CASTOR2: variants seen among roughly 807,000 people sequenced by gnomAD.
CASTOR2 encodes cytosolic arginine sensor for mTORC1 subunit 2.
A neutral mutation model predicts 31.2 loss-of-function variants in CASTOR2; 8 were observed. The observed-to-expected ratio is 0.26, with a 90% CI of 0.15 to 0.46. CASTOR2 has a LOEUF of 0.46. Among genes scored for constraint, CASTOR2 ranks in the 20% least tolerant of loss-of-function variants. The pLI is 0.99. For missense variants in CASTOR2, 216 were observed against 382.1 expected (o/e 0.57, Z 3.62); for synonymous variants, 162 against 158.7 (o/e 1.02, Z -0.16).
In CASTOR2 at chr7:75,025,148, G is replaced by C. The variant is rs1805092536; in HGVS notation, c.*449G>C. Among the ~76,000 whole-genome samples the C allele has an allele frequency of 1.3e-5, 2 of 152,210 alleles. No individual in the cohort carries two copies. Among genetic ancestry groups the C allele is most frequent in the Non-Finnish European group, 2.9e-5 (2 of 68,032 alleles). On this transcript the variant is annotated 3_prime_UTR_variant, in exon 9 of 9. Transcript: ENST00000616305. ...TTTGGGGTGCCCTGGAGGGTTTGGG[G>C]GTGAGTACTGTGGTCACTGGTCTCT... is the stretch of plus-strand genomic sequence containing the variant.
chr7:74,995,820 A>AG lies in CASTOR2; in HGVS notation c.114-12174_114-12173insG, dbSNP rs1215247061. Among the ~76,000 whole-genome samples the AG allele has an allele frequency of 4.0e-5, 6 of 151,708 alleles. No homozygotes were observed. The East Asian group carries it at 1.2e-3, about 29-fold the overall frequency. ...GAGACTCCATCTCAGAAAAAAAAAA[A>AG]AAAAATTAGCCAGGCATGGTGGTGT... On this transcript the variant is annotated intron_variant, in intron 1 of 8. Coordinates refer to ENST00000616305, the MANE Select transcript of CASTOR2 (RefSeq NM_001145064.3).
chr7:75,011,519 G>A (rs1804744734), intron 2 of CASTOR2, among the ~76,000 whole-genome samples: 1 of 151,648 alleles, frequency 6.6e-6, no homozygotes. Flanking sequence ...TGGATCACGA[G>A]GTCAGGAGAT....
In CASTOR2 at chr7:75,026,352, G is replaced by A. The variant is rs1010402545; in HGVS notation, c.*1653G>A. ...TTACAGGCACGCACCACCACGTCTG[G>A]CTAGTTATTGTATTTTTTAATAGAG... On this transcript the variant is annotated 3_prime_UTR_variant, in exon 9 of 9. Transcript: ENST00000616305. Among the ~76,000 whole-genome samples, 2 of 151,952 alleles carry A rather than the reference G, an allele frequency of 1.3e-5. No homozygotes were observed. Among genetic ancestry groups the A allele is most frequent in the Admixed American group, 6.6e-5 (1 of 15,230 alleles).
At position 74,982,662 on chromosome 7, in the gene CASTOR2, C is replaced by T. The variant is rs1389015293; in HGVS notation, c.113+17564C>T. On this transcript the variant is annotated intron_variant, in intron 1 of 8. Transcript: ENST00000616305. The stretch of plus-strand genomic sequence containing the variant: ...ACCAGCCTGGCTAATATGGTAAAAC[C>T]CTGTCTCTACTAAAAATACAAAATT... Among the ~76,000 whole-genome samples, 5 of 88,958 alleles carry T rather than the reference C, an allele frequency of 5.6e-5. No individual in the cohort carries two copies. In the East Asian group the frequency reaches 1.4e-3, roughly 26 times the overall value. The allele number at this position is 88,958 out of a possible 152,430, so 58.4% of individuals were successfully genotyped here. A position where few individuals can be genotyped will look rare whatever the true frequency, so the allele number is the denominator to read the frequency against.
chr7:74,990,053 T>G (rs1804168986), intron 1 of CASTOR2, among the ~76,000 whole-genome samples: 1 of 151,968 alleles, frequency 6.6e-6, no homozygotes, highest in African/African-American at 2.4e-5. Context: ...AATACACATC[T>G]ATAAGAAACC....
intron 1 of CASTOR2, among the ~76,000 whole-genome samples, chr7:74,985,491 G>A (rs1269154504): frequency 1.3e-5 from 2 of 150,184 alleles, no homozygotes; most frequent in African/African-American, 4.9e-5. Flanking sequence ...TTAGGTGGGA[G>A]GATCACTTGA....
In CASTOR2 at chr7:74,995,511, GA is replaced by G. The variant is rs1335114046; in HGVS notation, c.114-12469del. 3.8e-4 allele frequency among the ~76,000 whole-genome samples: 34 copies of G among 88,456 alleles called. 1 individual carries two copies. The highest frequency in any genetic ancestry group is 6.4e-4 in the African/African-American group (12 of 18,846). 58.0% of individuals were successfully genotyped at this position (88,456 alleles called of 152,430 possible). The stretch of plus-strand genomic sequence containing the variant: ...TGAGACCCTGTCTTTACAAAAAAAT[GA>G]AAAAAAAAAAAAAGGCCGGGTGCGG... On this transcript the variant is annotated intron_variant, in intron 1 of 8. Coordinates refer to ENST00000616305, the MANE Select transcript of CASTOR2 (RefSeq NM_001145064.3).
intron 2 of CASTOR2, among the ~76,000 whole-genome samples, chr7:75,013,959 C>T (rs1804808399): frequency 1.3e-5 from 2 of 152,178 alleles, no homozygotes; most frequent in Middle Eastern, 3.4e-3. Context: ...GAACTCCTGA[C>T]CTCAAGTGAT....
At chr7:75,020,522 G>A (rs1200275286) in intron 6 of CASTOR2, among the ~76,000 whole-genome samples, 4 of 145,160 alleles carry the variant, frequency 2.8e-5, no homozygotes, top group Non-Finnish European at 6.0e-5. Context: ...ACGGAGTCTC[G>A]CTCTGTCGCC....
intron 1 of CASTOR2, among the ~76,000 whole-genome samples, chr7:74,998,066 AT>A (rs1188834739): frequency 1.1e-4 from 16 of 152,112 alleles, no homozygotes; most frequent in Non-Finnish European, 4.4e-5. Context: ...CATGGGGCGT[AT>A]GCTACAAGTC....
intron 1 of CASTOR2, among the ~76,000 whole-genome samples, chr7:74,985,995 T>G (rs1804054794): frequency 6.6e-6 from 1 of 152,096 alleles, no homozygotes; most frequent in Non-Finnish European, 1.5e-5. Flanking sequence ...TGGCATTATC[T>G]CGGCTCACTG....
At chr7:74,995,574 G>A (rs1248527853) in intron 1 of CASTOR2, among the ~76,000 whole-genome samples, 2 of 150,574 alleles carry the variant, frequency 1.3e-5, no homozygotes, top group African/African-American at 2.5e-5. Flanking sequence ...TTGGGAGGCC[G>A]TGGCGGGCGG....
chr7:74,984,636 A>T (rs1804020906), intron 1 of CASTOR2, among the ~76,000 whole-genome samples: 2 of 152,186 alleles, frequency 1.3e-5, no homozygotes, highest in Non-Finnish European at 2.9e-5. Context: ...CTGTTGATGA[A>T]GATGACAGTG....
rs957944373 is a variant in CASTOR2, at chr7:75,031,324, G to A, written c.*6625G>A. Among the ~76,000 whole-genome samples the A allele has an allele frequency of 3.3e-5, 5 of 152,028 alleles. No individual in the cohort carries two copies. The highest frequency in any genetic ancestry group is 1.2e-4 in the African/African-American group (5 of 41,372). On this transcript the variant is annotated 3_prime_UTR_variant, in exon 9 of 9. Transcript: ENST00000616305. ...CCAGCAGCAGCAGCGGCGTTCCATC[G>A]CTCCCAAGATCTGGGTGAAGGGGAG...
rs1393086822 is a variant in CASTOR2, at chr7:74,986,021, C to T, written c.113+20923C>T. On this transcript the variant is annotated intron_variant, in intron 1 of 8. Coordinates refer to ENST00000616305, the MANE Select transcript of CASTOR2 (RefSeq NM_001145064.3). Reference sequence around the variant, plus strand: ...CGGCTCACTGCAACCTCCACCTTCCCGGTTCAAGCGATTCTCCTGCCTTAG... The same window carrying T: ...CGGCTCACTGCAACCTCCACCTTCCTGGTTCAAGCGATTCTCCTGCCTTAG... Among the ~76,000 whole-genome samples, 134 of 152,038 alleles carry T rather than the reference C, an allele frequency of 8.8e-4. 1 individual carries two copies. The highest frequency in any genetic ancestry group is 2.8e-3 in the Admixed American group (42 of 15,248).
chr7:74,996,070 G>T (rs1804339421), intron 1 of CASTOR2, among the ~76,000 whole-genome samples: 1 of 152,164 alleles, frequency 6.6e-6, no homozygotes, highest in African/African-American at 2.4e-5. Flanking sequence ...TGTGTGTTGG[G>T]GTGCTGAGCG....
At chr7:75,019,124 C>T in intron 5 of CASTOR2, 29 bp downstream of exon 5, 2 of 1,551,700 alleles carry the variant, frequency 1.3e-6, no homozygotes, top group East Asian at 2.4e-5. Flanking sequence ...TGAGGGGTTG[C>T]AGGGTGGGCC....
At chr7:75,001,138 G>A (rs1804485245) in intron 1 of CASTOR2, among the ~76,000 whole-genome samples, 1 of 152,190 alleles carries the variant, frequency 6.6e-6, no homozygotes, top group Non-Finnish European at 1.5e-5. Flanking sequence ...GTGCAGTGGT[G>A]CAATCACGGC....
chr7:75,001,618 G>T (rs1387081989), intron 1 of CASTOR2, among the ~76,000 whole-genome samples: 2 of 152,186 alleles, frequency 1.3e-5, no homozygotes, highest in African/African-American at 4.8e-5. Flanking sequence ...GGGCGGACAG[G>T]GTTTGTTCTC....
Sources: allele counts gnomAD v4.1 joint callset (sites outside exome capture counted in the v4.1 genomes callset), GRCh38; gene constraint gnomAD v4.1.1; transcripts MANE v1.5; gene names NCBI Gene and HGNC (gene_info 2026-07-23, HGNC 2026-07-21).